Variants in BMP10 observed in about 807,000 individuals in gnomAD.
BMP10 encodes the protein bone morphogenetic protein 10.
In BMP10, 9 loss-of-function variants were observed where a neutral mutation model predicts 29.9. That is an observed-to-expected ratio of 0.30 (90% CI 0.18 to 0.53). The LOEUF is 0.53. BMP10 is among the 20% of genes least tolerant of loss of function. BMP10 has a pLI of 0.96. For missense variants in BMP10, 474 were observed against 524.3 expected (o/e 0.90, Z 0.94); for synonymous variants, 202 against 200.2 (o/e 1.01, Z -0.07).
In BMP10 at chr2:68,863,635, C is replaced by A. The variant is rs1682901059; in HGVS notation, c.*1996G>T. 6.6e-6 allele frequency among the ~76,000 whole-genome samples: 1 copy of A among 152,120 alleles called. No individual in the cohort carries two copies. The highest frequency in any genetic ancestry group is 6.6e-5 in the Admixed American group (1 of 15,266). On this transcript the variant is annotated 3_prime_UTR_variant, in exon 2 of 2. Transcript: ENST00000295379. Reference sequence around the variant, plus strand: ...TTCTCAAAGCATCAATCACTGTATACCCACTGACGGTCAAAACACCACTCT... The same window carrying A: ...TTCTCAAAGCATCAATCACTGTATAACCACTGACGGTCAAAACACCACTCT...
In BMP10 at chr2:68,871,063, A is replaced by G. The variant is rs759534261; in HGVS notation, c.296T>C (p.Met99Thr). 4 of 1,613,912 alleles carry G rather than the reference A, an allele frequency of 2.5e-6. No homozygotes were observed. Among genetic ancestry groups the G allele is most frequent in the African/African-American group, 1.3e-5 (1 of 74,916 alleles). Residue 99 changes from methionine (M) to threonine (T), a missense_variant, in exon 1 of 2, where the codon ATG becomes ACG. Coordinates refer to ENST00000295379, the MANE Select transcript of BMP10 (RefSeq NM_014482.3). ...YNKFATDRTS[M>T]PSANIIRSFK... ...ACTCCTAATGATGTTGGCAGAGGGC[A>G]TGGAGGTCCGATCTGTTGCAAATTT... is the stretch of plus-strand genomic sequence containing the variant.
intron 1 of BMP10, among the ~76,000 whole-genome samples, chr2:68,869,287 G>A (rs1683027220): frequency 6.6e-6 from 1 of 151,958 alleles, no homozygotes; most frequent in Non-Finnish European, 1.5e-5. Context: ...GATGGGGTAG[G>A]TTTGGAGTTT....
In BMP10 at chr2:68,864,263, TA is replaced by T. The variant is rs1042046119; in HGVS notation, c.*1367del. 2.2e-4 allele frequency among the ~76,000 whole-genome samples: 33 copies of T among 152,246 alleles called. No homozygotes were observed. Among genetic ancestry groups the T allele is most frequent in the African/African-American group, 8.0e-4 (33 of 41,470 alleles). ...AGTCATTTGCTTGTGTGTCTATTCA[TA>T]AATTCGTTTATTTAAATCCATTCAT... On this transcript the variant is annotated 3_prime_UTR_variant, in exon 2 of 2. Transcript: ENST00000295379.
chr2:68,866,040 C>T lies in BMP10; in HGVS notation c.866G>A (p.Ser289Asn), dbSNP rs998475946. The T allele has an allele frequency of 9.9e-6, 16 of 1,613,958 alleles. No individual in the cohort carries two copies. Among genetic ancestry groups the T allele is most frequent in the African/African-American group, 1.3e-5 (1 of 74,916 alleles). The part of the protein sequence containing the change: ...LPELDNLGLD[S>N]FSSGPGEEAL... ...CTCTTCCCCAGGTCCACTGGAAAAG[C>T]TATCCAGGCCCAAGTTGTCCAGCTC... Residue 289 changes from serine (S) to asparagine (N), a missense_variant, in exon 2 of 2, where the codon AGC becomes AAC. By Grantham distance (46) the Ser-to-Asn change is conservative. Transcript: ENST00000295379.
rs1233042723 is a variant in BMP10, at chr2:68,865,031, C to G, written c.*600G>C. The stretch of plus-strand genomic sequence containing the variant: ...GTTGTACCTCTAAGACCTCTTAAGT[C>G]CATTTGGTTTCTGTATCAATTAACC... On this transcript the variant is annotated 3_prime_UTR_variant, in exon 2 of 2. Transcript: ENST00000295379. The surrounding 1 kb of genome is among the most constrained non-coding windows in gnomAD (Gnocchi z 4.7). Among the ~76,000 whole-genome samples, 2 of 152,174 alleles carry G rather than the reference C, an allele frequency of 1.3e-5. No homozygotes were observed. Among genetic ancestry groups the G allele is most frequent in the African/African-American group, 4.8e-5 (2 of 41,446 alleles).
intron 1 of BMP10, among the ~76,000 whole-genome samples, chr2:68,869,335 A>G (rs527534201): frequency 6.6e-6 from 1 of 152,258 alleles, no homozygotes; most frequent in African/African-American, 2.4e-5. Flanking sequence ...CACTAAGCAG[A>G]TCCAAAGAGT....
chr2:68,864,567 GAAGA>G lies in BMP10; in HGVS notation c.*1060_*1063del. On this transcript the variant is annotated 3_prime_UTR_variant, in exon 2 of 2. Transcript: ENST00000295379. ...GGAAGGTGAGAGGCACTAGGGCCAAGAAGAAAGAGGGAAGGAAGAAGATGGAGCA... is the reference window on the plus strand; with the variant it reads ...GGAAGGTGAGAGGCACTAGGGCCAAGAAGAGGGAAGGAAGAAGATGGAGCA... Among the ~76,000 whole-genome samples, 1 of 152,208 alleles carries G rather than the reference GAAGA, an allele frequency of 6.6e-6. No individual in the cohort carries two copies. The highest frequency in any genetic ancestry group is 2.1e-4 in the South Asian group (1 of 4,822).
rs1195386358 is a variant in BMP10 at position 68,863,402 on chromosome 2, G to A, written c.*2229C>T. 6.6e-6 allele frequency among the ~76,000 whole-genome samples: 1 copy of A among 152,124 alleles called. No individual in the cohort carries two copies. The highest frequency in any genetic ancestry group is 2.4e-5 in the African/African-American group (1 of 41,440). On this transcript the variant is annotated 3_prime_UTR_variant, in exon 2 of 2. Transcript: ENST00000295379. ...TCCTGGTCAGCTGAGGTTTTACTGT[G>A]TATGTATTACAGTGTCCTTTAGAAA...
chr2:68,865,829 G>C lies in BMP10; in HGVS notation c.1077C>G (p.Pro359=), dbSNP rs372857522. 3.5e-5 allele frequency: 56 copies of C among 1,614,060 alleles called. 2 individuals are homozygous for C. In the Middle Eastern group the frequency reaches 6.6e-4, roughly 19 times the overall value. Reference sequence around the variant, plus strand: ...TTGTGGGTGTGAGATGCTCTGCCAGGGGGTAGTTACAAACACCACGGCATT... The same window carrying C: ...TTGTGGGTGTGAGATGCTCTGCCAGCGGGTAGTTACAAACACCACGGCATT... ...AYECRGVCNY[P]LAEHLTPTKH... Residue 359 remains proline, a synonymous_variant, in exon 2 of 2, where the codon CCC becomes CCG. Transcript: ENST00000295379. The surrounding 1 kb of genome is among the most constrained non-coding windows in gnomAD (Gnocchi z 4.7).
At chr2:68,867,686 C>T (rs757035894) in intron 1 of BMP10, among the ~76,000 whole-genome samples, 5 of 152,120 alleles carry the variant, frequency 3.3e-5, no homozygotes, top group Admixed American at 6.5e-5. Context: ...GACTCCATGG[C>T]ACCGAAGATG....
At position 68,871,307 on chromosome 2, in the gene BMP10, A is replaced by C; in HGVS notation, c.52T>G (p.Leu18Val). 6.2e-7 allele frequency: 1 copy of C among 1,614,156 alleles called. No individual in the cohort carries two copies. Among genetic ancestry groups the C allele is most frequent in the East Asian group, 2.2e-5 (1 of 44,884 alleles). Residue 18 changes from leucine to valine, a missense_variant, in exon 1 of 2, where the codon TTG becomes GTG. Leu to Val is a conservative substitution (Grantham distance 32, BLOSUM62 1). Coordinates refer to ENST00000295379, the MANE Select transcript of BMP10 (RefSeq NM_014482.3). ...TTCATGATGGGGCTGCCAGAAACCAAGTAAGCTGCCAGGCAGAAAAGAGCG... is the reference window on the plus strand; with the variant it reads ...TTCATGATGGGGCTGCCAGAAACCACGTAAGCTGCCAGGCAGAAAAGAGCG... ...LCALFCLAAY[L>V]VSGSPIMNLE...
intron 1 of BMP10, among the ~76,000 whole-genome samples, chr2:68,867,784 T>G (rs1194117873): frequency 6.6e-6 from 1 of 152,158 alleles, no homozygotes; most frequent in Non-Finnish European, 1.5e-5. Context: ...TGAGTCCCTG[T>G]TTCAGATTAT....
chr2:68,863,573 G>C lies in BMP10; in HGVS notation c.*2058C>G, dbSNP rs1215334146. ...ACATACACACATCATGTTATATGGA[G>C]GCTGTTCCACAAATAGTGATTCTGA... On this transcript the variant is annotated 3_prime_UTR_variant, in exon 2 of 2. Transcript: ENST00000295379. Among the ~76,000 whole-genome samples the C allele has an allele frequency of 6.6e-6, 1 of 152,096 alleles. No homozygotes were observed. Among genetic ancestry groups the C allele is most frequent in the Non-Finnish European group, 1.5e-5 (1 of 68,000 alleles).
At chr2:68,870,417 G>A (rs904203728) in intron 1 of BMP10, among the ~76,000 whole-genome samples, 3 of 151,926 alleles carry the variant, frequency 2.0e-5, no homozygotes, top group Non-Finnish European at 2.9e-5. Flanking sequence ...GATGATTAAT[G>A]GGCCATCTAC....
chr2:68,865,983 T>A lies in BMP10; in HGVS notation c.923A>T (p.Tyr308Phe), dbSNP rs768406231. Residue 308 changes from tyrosine (Y) to phenylalanine (F), a missense_variant, in exon 2 of 2, where the codon TAT becomes TTT. Around this residue, in one of 2 missense-constraint regions of BMP10, gnomAD observed 408 missense variants for 415.3 expected, o/e 0.98. Coordinates refer to ENST00000295379, the MANE Select transcript of BMP10 (RefSeq NM_014482.3). This position sits in a 1 kb window ranked among gnomAD's most constrained non-coding sequence, Gnocchi z 4.7. ...ALLQMRSNII[Y>F]DSTARIRRNA... ...CCTTCTGATTCGGGCAGTGGAGTCA[T>A]AGATGATGTTTGATCTCATCTGCAA... is the stretch of plus-strand genomic sequence containing the variant. 1.5e-5 allele frequency: 24 copies of A among 1,614,058 alleles called. No individual in the cohort carries two copies. Among genetic ancestry groups the A allele is most frequent in the Non-Finnish European group, 1.9e-5 (22 of 1,179,970 alleles).
At position 68,863,090 on chromosome 2, in the gene BMP10, T is replaced by C. The variant is rs562507337; in HGVS notation, c.*2541A>G. ...CCTTAACATTCTAGTATCAGGGTGC[T>C]AATGTCAGCGGTGTGCTAATGTCAG... is the stretch of plus-strand genomic sequence containing the variant. On this transcript the variant is annotated 3_prime_UTR_variant, in exon 2 of 2. Transcript: ENST00000295379. 6.6e-6 allele frequency among the ~76,000 whole-genome samples: 1 copy of C among 152,308 alleles called. No individual in the cohort carries two copies. The highest frequency in any genetic ancestry group is 1.5e-5 in the Non-Finnish European group (1 of 68,022).
In BMP10 at chr2:68,861,766, T is replaced by A. The variant is rs1380591874; in HGVS notation, c.*3865A>T. 6.6e-6 allele frequency among the ~76,000 whole-genome samples: 1 copy of A among 152,076 alleles called. No individual in the cohort carries two copies. The highest frequency in any genetic ancestry group is 2.4e-5 in the African/African-American group (1 of 41,420). Reference sequence around the variant, plus strand: ...TCTTTTACTTGAAGAATATAAATCATAACAAATACTGAAACATTTAGTAAC... The same window carrying A: ...TCTTTTACTTGAAGAATATAAATCAAAACAAATACTGAAACATTTAGTAAC... On this transcript the variant is annotated 3_prime_UTR_variant, in exon 2 of 2. Coordinates refer to ENST00000295379, the MANE Select transcript of BMP10 (RefSeq NM_014482.3).
In BMP10 at chr2:68,863,860, A is replaced by AG. The variant is rs1234551378; in HGVS notation, c.*1770dup. Among the ~76,000 whole-genome samples, 9 of 152,190 alleles carry AG rather than the reference A, an allele frequency of 5.9e-5. No individual in the cohort carries two copies. Among genetic ancestry groups the AG allele is most frequent in the Non-Finnish European group, 1.3e-4 (9 of 68,022 alleles). ...AAAGAAAAAAGTGTCAGACTTCTTA[A>AG]GGAAGCATTCCTTAAGATGAGTAGG... On this transcript the variant is annotated 3_prime_UTR_variant, in exon 2 of 2. Coordinates refer to ENST00000295379, the MANE Select transcript of BMP10 (RefSeq NM_014482.3).
intron 1 of BMP10, among the ~76,000 whole-genome samples, chr2:68,868,580 C>A (rs1683011613): frequency 6.6e-6 from 1 of 152,192 alleles, no homozygotes; most frequent in African/African-American, 2.4e-5. Flanking sequence ...TGATTCTAGG[C>A]ACCAGACTAA....
Sources: allele counts gnomAD v4.1 joint callset (sites outside exome capture counted in the v4.1 genomes callset), GRCh38; gene constraint gnomAD v4.1.1; regional missense constraint gnomAD v4.1.1; non-coding constraint Gnocchi (gnomAD v3.1); transcripts MANE v1.5; gene names NCBI Gene and HGNC (gene_info 2026-07-23, HGNC 2026-07-21).